The following YAP1 variants were observed in gnomAD, a reference collection of about 807,000 sequenced individuals.
YAP1 encodes the protein Yes1 associated transcriptional regulator.
In YAP1, 5 loss-of-function variants were observed where a neutral mutation model predicts 56.9. The ratio of observed to expected loss-of-function variants is 0.09; its 90% CI spans 0.05 to 0.18. The LOEUF (loss-of-function observed/expected upper bound fraction) is 0.18, where lower values mean the gene tolerates loss of function less well. Among genes scored for constraint, YAP1 ranks in the 10% least tolerant of loss-of-function variants. The pLI, the probability that YAP1 is intolerant of heterozygous loss-of-function variation, is 1.00. For missense variants in YAP1, 539 were observed against 651.8 expected, an observed-to-expected ratio of 0.83 and a Z score of 1.88; for synonymous variants, 265 against 248.1, an observed-to-expected ratio of 1.07 and a Z score of -0.64.
In YAP1 at chr11:102,127,377, C is replaced by G. The variant is rs113491991; in HGVS notation, c.572+12983C>G. On this transcript the variant is annotated intron_variant, in intron 2 of 8. Transcript: ENST00000282441. The stretch of plus-strand genomic sequence containing the variant: ...GACTTGGTGCCCTGTGTCTCAGCCA[C>G]TCCAGCTGTGGCTGAAAGGGGCCAA... 2.6e-4 allele frequency among the ~76,000 whole-genome samples: 39 copies of G among 152,312 alleles called. 1 individual carries two copies. The highest frequency in any genetic ancestry group is 8.9e-4 in the African/African-American group (37 of 41,572).
At chr11:102,147,450 ATTAAAT>A (rs1040182033) in intron 2 of YAP1, among the ~76,000 whole-genome samples, 1 of 152,194 alleles carries the variant, frequency 6.6e-6, no homozygotes, top group African/African-American at 2.4e-5. Context: ...TTTTGAAATC[ATTAAAT>A]TTAATTGCTG....
chr11:102,161,386 ACT>A (rs1555002108), intron 2 of YAP1, among the ~76,000 whole-genome samples: 652 of 144,584 alleles, frequency 4.5e-3, no homozygotes, highest in Middle Eastern at 0.011. Context: ...ACACACACAC[ACT>A]AAACAATTAG....
At chr11:102,182,826 A>T (rs1205103525) in intron 3 of YAP1, among the ~76,000 whole-genome samples, 8 of 152,200 alleles carry the variant, frequency 5.3e-5, no homozygotes, top group African/African-American at 1.4e-4. Context: ...TATTTTACCC[A>T]GAGAGTATTA....
chr11:102,211,334 A>G (rs1029677747), intron 6 of YAP1, among the ~76,000 whole-genome samples: 1 of 152,228 alleles, frequency 6.6e-6, no homozygotes, highest in East Asian at 1.9e-4. Flanking sequence ...GTAAAGTTTT[A>G]GAAAAGGTGA....
At chr11:102,145,459 A>G (rs1591220120) in intron 2 of YAP1, among the ~76,000 whole-genome samples, 1 of 152,334 alleles carries the variant, frequency 6.6e-6, no homozygotes, top group South Asian at 2.1e-4. Context: ...TTGCTATCAA[A>G]TGTGGAAAGA....
intron 4 of YAP1, among the ~76,000 whole-genome samples, chr11:102,201,200 CA>C (rs1948835648): frequency 6.6e-6 from 1 of 151,960 alleles, no homozygotes; most frequent in South Asian, 2.1e-4. Flanking sequence ...CCAGCTATGT[CA>C]ATAGGAAAAT....
intron 3 of YAP1, among the ~76,000 whole-genome samples, chr11:102,169,975 A>G (rs1297002416): frequency 6.6e-6 from 1 of 152,250 alleles, no homozygotes; most frequent in South Asian, 2.1e-4. Context: ...TTCAGTTATA[A>G]TATCCAGCTT....
At chr11:102,147,035 CAG>C (rs1945359823) in intron 2 of YAP1, among the ~76,000 whole-genome samples, 1 of 152,182 alleles carries the variant, frequency 6.6e-6, no homozygotes, top group South Asian at 2.1e-4. Flanking sequence ...TGGAGTAACT[CAG>C]TGAGTCTTCA....
At chr11:102,223,899 A>G (rs1292237024) in intron 7 of YAP1, 147 bp downstream of exon 7, 2 of 1,066,142 alleles carry the variant, frequency 1.9e-6, no homozygotes, top group East Asian at 2.6e-5. Context: ...TGGCAAGTAC[A>G]TGCAGAGTTG....
At chr11:102,115,693 G>T (rs549521490) in intron 2 of YAP1, among the ~76,000 whole-genome samples, 1 of 152,048 alleles carries the variant, frequency 6.6e-6, no homozygotes, top group Non-Finnish European at 1.5e-5. Flanking sequence ...AGACTGGAAA[G>T]TACACACAAG....
At chr11:102,147,732 T>A (rs1945405728) in intron 2 of YAP1, among the ~76,000 whole-genome samples, 1 of 152,232 alleles carries the variant, frequency 6.6e-6, no homozygotes, top group Non-Finnish European at 1.5e-5. Context: ...ACCATTTTTT[T>A]ATTTCACCAT....
intron 3 of YAP1, among the ~76,000 whole-genome samples, chr11:102,175,171 G>C (rs551718066): frequency 1.3e-5 from 2 of 152,066 alleles, no homozygotes; most frequent in African/African-American, 4.8e-5. Flanking sequence ...AGGCCAAGGC[G>C]GGCAGATCAC....
chr11:102,163,852 G>A (rs145479730), intron 3 of YAP1, among the ~76,000 whole-genome samples: 1 of 152,204 alleles, frequency 6.6e-6, no homozygotes, highest in East Asian at 1.9e-4. Flanking sequence ...GCTTTTGGTG[G>A]GTTGAACATT....
rs568991638 is a variant in YAP1, at chr11:102,136,539, G to A, written c.572+22145G>A. On this transcript the variant is annotated intron_variant, in intron 2 of 8. Transcript: ENST00000282441. ...TGTTTTTGTTTGTTTTTTTGGTAGA[G>A]ATGGAGTTTCACCATGTTGCCCAAG... is the stretch of plus-strand genomic sequence containing the variant. 5.3e-5 allele frequency among the ~76,000 whole-genome samples: 8 copies of A among 152,044 alleles called. No individual in the cohort carries two copies. The South Asian group carries it at 1.7e-3, about 32-fold the overall frequency.
At chr11:102,133,497 A>T (rs979132884) in intron 2 of YAP1, among the ~76,000 whole-genome samples, 4 of 152,124 alleles carry the variant, frequency 2.6e-5, no homozygotes, top group African/African-American at 9.7e-5. Context: ...GGGTTTCAAC[A>T]TGTTGCCAAG....
chr11:102,172,475 CGTTTTT>C (rs1387745650), intron 3 of YAP1, among the ~76,000 whole-genome samples: 6 of 106,216 alleles, frequency 5.6e-5, no homozygotes, highest in African/African-American at 2.2e-4. Context: ...CCATGCACAG[CGTTTTT>C]TTTTTTTTTT....
intron 6 of YAP1, among the ~76,000 whole-genome samples, chr11:102,215,770 C>T (rs1431600994): frequency 2.0e-5 from 3 of 152,158 alleles, no homozygotes; most frequent in Non-Finnish European, 4.4e-5. Context: ...TGAGCCACTG[C>T]GCCTGGCCTG....
At chr11:102,158,783 A>G (rs1343140119) in intron 2 of YAP1, among the ~76,000 whole-genome samples, 1 of 152,230 alleles carries the variant, frequency 6.6e-6, no homozygotes, top group Non-Finnish European at 1.5e-5. Flanking sequence ...AGATAGGTAT[A>G]AGAAAGTCAT....
chr11:102,150,603 A>G (rs1265627334), intron 2 of YAP1, among the ~76,000 whole-genome samples: 2 of 151,804 alleles, frequency 1.3e-5, no homozygotes, highest in African/African-American at 2.4e-5. Context: ...ATCTTGTACT[A>G]CTCATTTTTT....
Sources: allele counts gnomAD v4.1 joint callset (sites outside exome capture counted in the v4.1 genomes callset), GRCh38; gene constraint gnomAD v4.1.1; transcripts MANE v1.5; gene names NCBI Gene and HGNC (gene_info 2026-07-23, HGNC 2026-07-21).